The following DDX60 variants were observed in gnomAD, a reference collection of about 807,000 sequenced individuals.
The protein encoded by DDX60 is probable ATP-dependent RNA helicase DDX60.
In DDX60, 165 loss-of-function variants were observed where a neutral mutation model predicts 212.8. The observed-to-expected ratio is 0.78, with a 90% CI of 0.68 to 0.88. DDX60 has a LOEUF of 0.88. Ranked by LOEUF, DDX60 falls within the 40% of genes least tolerant of loss-of-function variation. DDX60 has a pLI of 0.00. For missense variants in DDX60, 1,905 were observed against 2,003.9 expected (o/e 0.95, Z 0.94); for synonymous variants, 703 against 685.3 (o/e 1.03, Z -0.40).
intron 1 of DDX60, among the ~76,000 whole-genome samples, chr4:168,313,266 G>A (rs1737219638): frequency 6.6e-6 from 1 of 152,150 alleles, no homozygotes; most frequent in African/African-American, 2.4e-5. Context: ...GAAAGTGAGA[G>A]ATATAGAGAA....
chr4:168,293,903 C>G lies in DDX60; in HGVS notation c.766G>C (p.Gly256Arg), dbSNP rs1286890803. Reference sequence around the variant, plus strand: ...CAAAAGACACGCCGAATGTCAGATCCTTCTGGCCAGACTTGTGTAAGCAGA... The same window carrying G: ...CAAAAGACACGCCGAATGTCAGATCGTTCTGGCCAGACTTGTGTAAGCAGA... ...VSLLTQVWPE[G>R]SDIRRVFCVT... The change falls in exon 7 of 38, where the codon GGA becomes CGA. Residue 256 changes from glycine (G) to arginine (R), a missense_variant. Gly to Arg is a moderately radical substitution (Grantham distance 125). Coordinates refer to ENST00000393743, the MANE Select transcript of DDX60 (RefSeq NM_017631.6). 6.2e-7 allele frequency: 1 copy of G among 1,613,872 alleles called. No individual in the cohort carries two copies. Among genetic ancestry groups the G allele is most frequent in the Non-Finnish European group, 8.5e-7 (1 of 1,179,970 alleles).
At chr4:168,287,735 TTACCC>T (rs1447555562) in intron 9 of DDX60, among the ~76,000 whole-genome samples, 1 of 151,886 alleles carries the variant, frequency 6.6e-6, no homozygotes, top group Non-Finnish European at 1.5e-5. Context: ...ATCAGAAATC[TTACCC>T]TAAGAAAAGA....
chr4:168,228,511 C>G lies in DDX60; in HGVS notation c.4534-2835G>C, dbSNP rs199770015. 2.1e-4 allele frequency among the ~76,000 whole-genome samples: 32 copies of G among 152,054 alleles called. No individual in the cohort carries two copies. In the East Asian group the frequency reaches 4.3e-3, roughly 20 times the overall value. Reference sequence around the variant, plus strand: ...TTCCTTTTGTTAACATGTATGTGCACACTATTTTACTAGTCTTTTAGCTGT... The same window carrying G: ...TTCCTTTTGTTAACATGTATGTGCAGACTATTTTACTAGTCTTTTAGCTGT... On this transcript the variant is annotated intron_variant, in intron 33 of 37. Transcript: ENST00000393743.
chr4:168,285,409 A>T lies in DDX60; in HGVS notation c.1429T>A (p.Leu477Met). 1 of 1,610,064 alleles carries T rather than the reference A, an allele frequency of 6.2e-7. No homozygotes were observed. The highest frequency in any genetic ancestry group is 8.5e-7 in the Non-Finnish European group (1 of 1,178,420). Residue 477 changes from leucine (L) to methionine (M), a missense_variant, in exon 11 of 38, where the codon TTG becomes ATG. Physicochemically the swap from Leu to Met is conservative, Grantham distance 15. Coordinates refer to ENST00000393743, the MANE Select transcript of DDX60 (RefSeq NM_017631.6). ...GCCTTATACCTCTTTAGAAAAGGCAAATCTTTCAAAATATCTCCAGCAAAT... is the reference window on the plus strand; with the variant it reads ...GCCTTATACCTCTTTAGAAAAGGCATATCTTTCAAAATATCTCCAGCAAAT... ...DKFAGDILKD[L>M]PFLKSDDPIV...
At chr4:168,316,431 C>G (rs941063374) in intron 1 of DDX60, among the ~76,000 whole-genome samples, 1 of 151,994 alleles carries the variant, frequency 6.6e-6, no homozygotes, top group Non-Finnish European at 1.5e-5. Flanking sequence ...CTTGGCAGTT[C>G]ACAAAGGGAT....
Position 168,237,376 on chromosome 4 carries a change from G to A in DDX60, c.4321C>T (p.His1441Tyr). ...NPMGFAGLVSHLHYHEPSNLV... is the reference protein window; with the variant it reads ...NPMGFAGLVSYLHYHEPSNLV... ...TTAGAAGGTTCATGATAATGCAAAT[G>A]TGATACAAGTCCAGCAAACCCCATA... is the stretch of plus-strand genomic sequence containing the variant. Residue 1441 changes from histidine to tyrosine, a missense_variant, in exon 32 of 38, where the codon CAT becomes TAT. His to Tyr is a moderately conservative substitution (Grantham distance 83). Transcript: ENST00000393743. 1.9e-6 allele frequency: 3 copies of A among 1,599,538 alleles called. No homozygotes were observed. Among genetic ancestry groups the A allele is most frequent in the Middle Eastern group, 1.7e-4 (1 of 6,008 alleles).
At chr4:168,295,125 G>T (rs1736284167) in intron 6 of DDX60, among the ~76,000 whole-genome samples, 1 of 152,302 alleles carries the variant, frequency 6.6e-6, no homozygotes, top group Non-Finnish European at 1.5e-5. Flanking sequence ...CTAATACATT[G>T]TTGGTAGGAA....
intron 13 of DDX60, among the ~76,000 whole-genome samples, chr4:168,281,199 T>C (rs1237106586): frequency 6.6e-6 from 1 of 152,088 alleles, no homozygotes; most frequent in Non-Finnish European, 1.5e-5. Flanking sequence ...ACAGACTGCC[T>C]CTCTTTTCAT....
intron 32 of DDX60, 103 bp downstream of exon 32, chr4:168,237,183 G>A (rs1733657622): frequency 2.6e-6 from 2 of 764,504 alleles, no homozygotes; most frequent in Non-Finnish European, 3.7e-6. Flanking sequence ...CATATTAATT[G>A]TATTTTCTTT....
At chr4:168,234,586 A>T (rs969658756) in intron 33 of DDX60, among the ~76,000 whole-genome samples, 2 of 151,302 alleles carry the variant, frequency 1.3e-5, no homozygotes, top group African/African-American at 4.9e-5. Flanking sequence ...CTCTCTTCCT[A>T]TTTTCTTGAA....
Position 168,289,478 on chromosome 4 carries a change from C to G in DDX60, c.1042-1163G>C, listed in dbSNP as rs1031730093. 3.3e-5 allele frequency among the ~76,000 whole-genome samples: 5 copies of G among 152,310 alleles called. 1 individual carries two copies. The South Asian group carries it at 1.0e-3, about 32-fold the overall frequency. On this transcript the variant is annotated intron_variant, in intron 8 of 37. Coordinates refer to ENST00000393743, the MANE Select transcript of DDX60 (RefSeq NM_017631.6). The stretch of plus-strand genomic sequence containing the variant: ...ATATTTGAACTCCCTGTCCTCAGCT[C>G]TCTTACCATATCTCTCTTCCAAAAT...
intron 8 of DDX60, 66 bp from the exon 9 acceptor site, chr4:168,288,381 T>G: frequency 8.7e-7 from 1 of 1,155,580 alleles, no homozygotes; most frequent in Non-Finnish European, 1.2e-6. Context: ...ATAGGGTTCA[T>G]ATGCTTCTGA....
At chr4:168,274,167 C>A in intron 16 of DDX60, 84 bp from the exon 17 acceptor site, 2 of 1,531,110 alleles carry the variant, frequency 1.3e-6, no homozygotes, top group Non-Finnish European at 1.8e-6. Context: ...ACTTCCAATA[C>A]GATTTTCTGA....
chr4:168,221,612 T>C, intron 36 of DDX60, 118 bp downstream of exon 36: 2 of 1,078,374 alleles, frequency 1.9e-6, no homozygotes, highest in Non-Finnish European at 2.6e-6. Context: ...GTATGTTTAG[T>C]ATGATTTAAC....
At chr4:168,322,682 A>C (rs1046024709), upstream of DDX60, among the ~76,000 whole-genome samples, 1 of 152,176 alleles carries the variant, frequency 6.6e-6, no homozygotes, top group African/African-American at 2.4e-5. Flanking sequence ...TTGGTGAGGG[A>C]ATGATTCCCA....
chr4:168,243,201 T>A (rs1382085376), intron 30 of DDX60, among the ~76,000 whole-genome samples: 1 of 152,132 alleles, frequency 6.6e-6, no homozygotes, highest in Non-Finnish European at 1.5e-5. Context: ...ATCAGCAGCA[T>A]GAACATGGAA....
chr4:168,217,198 G>T (rs1732878379), intron 37 of DDX60, among the ~76,000 whole-genome samples, 166 bp from the exon 38 acceptor site: 1 of 152,226 alleles, frequency 6.6e-6, no homozygotes, highest in African/African-American at 2.4e-5. Context: ...AAAAAATCTT[G>T]TATAAAAAAT....
chr4:168,274,868 G>A (rs1197565346), intron 16 of DDX60, among the ~76,000 whole-genome samples: 1 of 152,182 alleles, frequency 6.6e-6, no homozygotes, highest in Non-Finnish European at 1.5e-5. Flanking sequence ...TTCAATGTAT[G>A]TAGAAATGCA....
At chr4:168,277,560 G>A (rs779436112) in intron 14 of DDX60, among the ~76,000 whole-genome samples, 6 of 151,982 alleles carry the variant, frequency 3.9e-5, no homozygotes, top group South Asian at 2.1e-4. Context: ...ATTCCAGGCC[G>A]GGCGCAGTGG....
Sources: allele counts gnomAD v4.1 joint callset (sites outside exome capture counted in the v4.1 genomes callset), GRCh38; gene constraint gnomAD v4.1.1; transcripts MANE v1.5; gene names NCBI Gene and HGNC (gene_info 2026-07-23, HGNC 2026-07-21).